Variants in MRPL15 observed in about 807,000 individuals in gnomAD.
The protein encoded by MRPL15 is large ribosomal subunit protein uL15m.
A neutral mutation model predicts 28.0 loss-of-function variants in MRPL15; 24 were observed. The ratio of observed to expected loss-of-function variants is 0.86; its 90% CI spans 0.62 to 1.21. The LOEUF (loss-of-function observed/expected upper bound fraction) is 1.21. MRPL15 is among the 50% of genes most tolerant of loss of function. The pLI, the probability that MRPL15 is intolerant of heterozygous loss-of-function variation, is 0.00. For missense variants in MRPL15, 343 were observed against 372.4 expected, an observed-to-expected ratio of 0.92 and a Z score of 0.65; for synonymous variants, 124 against 137.0, an observed-to-expected ratio of 0.90 and a Z score of 0.66.
chr8:54,143,361 G>C (rs1215500877), intron 4 of MRPL15, among the ~76,000 whole-genome samples: 4 of 152,128 alleles, frequency 2.6e-5, no homozygotes, highest in Non-Finnish European at 5.9e-5. Flanking sequence ...TTACAGGTGT[G>C]AGCCACCACG....
At chr8:54,139,685 T>C (rs1424655541) in intron 3 of MRPL15, among the ~76,000 whole-genome samples, 1 of 152,222 alleles carries the variant, frequency 6.6e-6, no homozygotes, top group African/African-American at 2.4e-5. Flanking sequence ...TATAGCTCTG[T>C]TAACTGATTT....
chr8:54,142,974 AG>A, intron 4 of MRPL15, 188 bp downstream of exon 4: 1 of 811,522 alleles, frequency 1.2e-6, no homozygotes, highest in Non-Finnish European at 1.9e-6. Flanking sequence ...AGGGCAAAAA[AG>A]GCTCTCAGCC....
At chr8:54,139,658 T>G (rs1810886741) in intron 3 of MRPL15, among the ~76,000 whole-genome samples, 1 of 152,216 alleles carries the variant, frequency 6.6e-6, no homozygotes, top group Non-Finnish European at 1.5e-5. Context: ...GTCAAGTAAT[T>G]GCAATGACAC....
At chr8:54,145,098 A>C (rs1811021401) in intron 4 of MRPL15, among the ~76,000 whole-genome samples, 1 of 152,234 alleles carries the variant, frequency 6.6e-6, no homozygotes, top group Non-Finnish European at 1.5e-5. Context: ...GCAGCTCTGC[A>C]GGTTGTCCCA....
intron 4 of MRPL15, 78 bp from the exon 5 acceptor site, chr8:54,147,304 T>C: frequency 2.9e-6 from 3 of 1,036,590 alleles, no homozygotes; most frequent in Non-Finnish European, 4.2e-6. Context: ...GTTACATCTC[T>C]ATGTTAGAGT....
chr8:54,136,204 T>C (rs1810824919), intron 1 of MRPL15, among the ~76,000 whole-genome samples: 1 of 152,272 alleles, frequency 6.6e-6, no homozygotes, highest in South Asian at 2.1e-4. Flanking sequence ...TTTAAAATGT[T>C]GTGAATATTT....
At chr8:54,142,079 C>T (rs1014904492) in intron 3 of MRPL15, among the ~76,000 whole-genome samples, 3 of 152,256 alleles carry the variant, frequency 2.0e-5, no homozygotes, top group South Asian at 2.1e-4. Flanking sequence ...AAACTCCTGA[C>T]CTCAGGTGAT....
At chr8:54,135,503 A>C in intron 1 of MRPL15, 112 bp downstream of exon 1, 1 of 822,396 alleles carries the variant, frequency 1.2e-6, no homozygotes, top group African/African-American at 1.8e-5. Flanking sequence ...TTGGGATGAA[A>C]ATAGGATTGC....
Position 54,147,825 on chromosome 8 carries a change from T to G in MRPL15, c.*106T>G. 9.7e-7 allele frequency: 1 copy of G among 1,030,956 alleles called. No individual in the cohort carries two copies. The highest frequency in any genetic ancestry group is 1.4e-6 in the Non-Finnish European group (1 of 721,630). The allele number at this position is 1,030,956 out of a possible 1,614,324, so 63.9% of individuals were successfully genotyped here. A position where few individuals can be genotyped will look rare whatever the true frequency, so the allele number is the denominator to read the frequency against. On this transcript the variant is annotated 3_prime_UTR_variant, in exon 5 of 5. Transcript: ENST00000260102. ...TTATGTATAATTTTCCAGATGGTGATGTTACTTTTCAGTGTACTCATATGT... is the reference window on the plus strand; with the variant it reads ...TTATGTATAATTTTCCAGATGGTGAGGTTACTTTTCAGTGTACTCATATGT...
chr8:54,148,171 T>C lies in MRPL15; in HGVS notation c.*452T>C, dbSNP rs1811078815. Among the ~76,000 whole-genome samples the C allele has an allele frequency of 6.6e-6, 1 of 152,164 alleles. No individual in the cohort carries two copies. Among genetic ancestry groups the C allele is most frequent in the Non-Finnish European group, 1.5e-5 (1 of 68,024 alleles). ...ACACGGCTACCCAATGCCAAGATGGTAAACCCTCAACTCGAAGAGTAAGAT... is the reference window on the plus strand; with the variant it reads ...ACACGGCTACCCAATGCCAAGATGGCAAACCCTCAACTCGAAGAGTAAGAT... On this transcript the variant is annotated 3_prime_UTR_variant, in exon 5 of 5. Transcript: ENST00000260102.
chr8:54,135,266 T>A lies in MRPL15; in HGVS notation c.-18T>A. Reference sequence around the variant, plus strand: ...GAGCAGCTCAGGGCGCCCTTGAAAGTTCTTGGATCTGCGGGTTATGGCCGG... The same window carrying A: ...GAGCAGCTCAGGGCGCCCTTGAAAGATCTTGGATCTGCGGGTTATGGCCGG... On this transcript the variant is annotated 5_prime_UTR_variant, in exon 1 of 5. Coordinates refer to ENST00000260102, the MANE Select transcript of MRPL15 (RefSeq NM_014175.4). The A allele has an allele frequency of 7.6e-7, 1 of 1,316,270 alleles. No individual in the cohort carries two copies. 81.5% of individuals were successfully genotyped at this position (1,316,270 alleles called of 1,614,324 possible). A position where few individuals can be genotyped will look rare whatever the true frequency, so the allele number is the denominator to read the frequency against.
chr8:54,136,727 T>C, intron 2 of MRPL15, 62 bp downstream of exon 2: 1 of 1,526,100 alleles, frequency 6.6e-7, no homozygotes, highest in South Asian at 1.2e-5. Context: ...CACCTAAAAA[T>C]AGTTTGGTAG....
chr8:54,142,867 C>A, intron 4 of MRPL15, 81 bp downstream of exon 4: 1 of 1,561,480 alleles, frequency 6.4e-7, no homozygotes, highest in Non-Finnish European at 8.8e-7. Flanking sequence ...TAGTGAATGG[C>A]AAATGTTGGT....
At chr8:54,135,918 A>G (rs1810821801) in intron 1 of MRPL15, among the ~76,000 whole-genome samples, 1 of 152,232 alleles carries the variant, frequency 6.6e-6, no homozygotes, top group Non-Finnish European at 1.5e-5. Context: ...GTCATTCAAA[A>G]TTGGATTTAA....
chr8:54,147,698 C>G lies in MRPL15; in HGVS notation c.870C>G (p.Leu290=), dbSNP rs1317267249. ...TCCTAAAACCTACAGATGAAAATCT[C>G]CTTAAGTATTATACCTCATGAATTC... ...KKILKPTDEN[L]LKYYTS is the part of the protein sequence containing the mutation. The change falls in exon 5 of 5, where the codon CTC becomes CTG. Residue 290 remains leucine (L), a synonymous_variant. Transcript: ENST00000260102. 6.8e-6 allele frequency: 11 copies of G among 1,612,556 alleles called. No homozygotes were observed. Among genetic ancestry groups the G allele is most frequent in the Non-Finnish European group, 1.7e-6 (2 of 1,179,434 alleles).
chr8:54,145,238 A>G (rs983579223), intron 4 of MRPL15, among the ~76,000 whole-genome samples: 1 of 152,140 alleles, frequency 6.6e-6, no homozygotes, highest in Non-Finnish European at 1.5e-5. Context: ...TTTTTGCACC[A>G]TGGTCTCACT....
At chr8:54,146,109 G>A (rs770349448) in intron 4 of MRPL15, among the ~76,000 whole-genome samples, 3 of 150,750 alleles carry the variant, frequency 2.0e-5, no homozygotes, top group Non-Finnish European at 4.4e-5. Context: ...GTGTTTGCTA[G>A]ATACTGTTCC....
At chr8:54,142,858 A>T in intron 4 of MRPL15, 72 bp downstream of exon 4, 2 of 1,583,252 alleles carry the variant, frequency 1.3e-6, no homozygotes, top group Non-Finnish European at 1.7e-6. Context: ...TAAATTACTT[A>T]GTGAATGGCA....
Position 54,147,414 on chromosome 8 carries a change from CG to C in MRPL15, c.587del (p.Arg196LeufsTer80), listed in dbSNP as rs1317841920. ...IVCKPVPFFL[R>X]GQPIPKRMLP... ...ATGCAAACCTGTTCCATTCTTTCTT[CG>C]TGGACAACCCATTCCAAAAAGAATG... is the stretch of plus-strand genomic sequence containing the variant. On this transcript the variant is annotated frameshift_variant, in exon 5 of 5. Transcript: ENST00000260102. LOFTEE classifies it high-confidence loss of function. 6.2e-7 allele frequency: 1 copy of C among 1,612,170 alleles called. No homozygotes were observed. Among genetic ancestry groups the C allele is most frequent in the Non-Finnish European group, 8.5e-7 (1 of 1,178,988 alleles).
Sources: gnomAD v4.1 joint callset for allele counts (sites outside exome capture counted in the v4.1 genomes callset) on GRCh38, gnomAD v4.1.1 for gene constraint, MANE v1.5 for transcripts, NCBI Gene and HGNC (gene_info 2026-07-23, HGNC 2026-07-21) for gene names.